ZRANB3: variants seen among roughly 807,000 people sequenced by gnomAD.
ZRANB3 encodes zinc finger RANBP2-type containing 3, also known as DNA annealing helicase and endonuclease ZRANB3.
In ZRANB3, 125 loss-of-function variants were observed where a neutral mutation model predicts 133.8. The ratio of observed to expected loss-of-function variants is 0.93; its 90% CI spans 0.81 to 1.08. ZRANB3 has a LOEUF of 1.08. ZRANB3 is among the 50% of genes least tolerant of loss of function. The pLI, the probability that ZRANB3 is intolerant of heterozygous loss-of-function variation, is 0.00. For missense variants in ZRANB3, 1,229 were observed against 1,275.5 expected (o/e 0.96, Z 0.56); for synonymous variants, 387 against 432.7 (o/e 0.89, Z 1.31).
chr2:135,367,945 A>G (rs1176346737), intron 3 of ZRANB3, among the ~76,000 whole-genome samples: 3 of 152,274 alleles, frequency 2.0e-5, no homozygotes, highest in East Asian at 1.9e-4. Flanking sequence ...TTATTATTGA[A>G]TAACTTCTCT....
chr2:135,315,285 A>G lies in ZRANB3; in HGVS notation c.849+74T>C, dbSNP rs892935929. On this transcript the variant is annotated intron_variant, in intron 7 of 20. Coordinates refer to ENST00000264159, the MANE Select transcript of ZRANB3 (RefSeq NM_032143.4). ...CAAACCTTTCCTTCTGTGAAATATG[A>G]AATACGTATAATCTTTAATAGTGTA... 1.0e-5 allele frequency: 13 copies of G among 1,258,694 alleles called. No individual in the cohort carries two copies. In the African/African-American group the frequency reaches 1.7e-4, roughly 17 times the overall value. The allele number at this position is 1,258,694 out of a possible 1,614,324, so 78.0% of individuals were successfully genotyped here.
At chr2:135,244,464 C>T (rs540560795) in intron 12 of ZRANB3, among the ~76,000 whole-genome samples, 2 of 151,960 alleles carry the variant, frequency 1.3e-5, no homozygotes, top group South Asian at 2.1e-4. Flanking sequence ...AAAAATTAGT[C>T]GTGCGTGGTG....
At chr2:135,349,399 C>T (rs1685089598) in intron 5 of ZRANB3, among the ~76,000 whole-genome samples, 2 of 152,230 alleles carry the variant, frequency 1.3e-5, no homozygotes, top group Admixed American at 6.5e-5. Context: ...TTTCTTCCAT[C>T]ATGTCTTCTT....
At chr2:135,332,330 T>C (rs1684186850) in intron 6 of ZRANB3, among the ~76,000 whole-genome samples, 1 of 152,152 alleles carries the variant, frequency 6.6e-6, no homozygotes, top group Admixed American at 6.6e-5. Context: ...TTTTAGAACA[T>C]GACAGATCTT....
At chr2:135,359,593 G>A (rs1282542960) in intron 3 of ZRANB3, among the ~76,000 whole-genome samples, 2 of 146,934 alleles carry the variant, frequency 1.4e-5, no homozygotes, top group African/African-American at 2.5e-5. Flanking sequence ...AAAAAAAAAG[G>A]AAACAAAGAA....
chr2:135,289,882 G>C (rs1681598144), intron 8 of ZRANB3, among the ~76,000 whole-genome samples: 1 of 152,160 alleles, frequency 6.6e-6, no homozygotes, highest in African/African-American at 2.4e-5. Context: ...CAGTGTGGGT[G>C]ACAAAGTGAG....
chr2:135,346,422 A>T lies in ZRANB3; in HGVS notation c.592-787T>A, dbSNP rs1210766860. Among the ~76,000 whole-genome samples, 4 of 152,176 alleles carry T rather than the reference A, an allele frequency of 2.6e-5. No homozygotes were observed. In the East Asian group the frequency reaches 7.7e-4, roughly 29 times the overall value. On this transcript the variant is annotated intron_variant, in intron 5 of 20. Transcript: ENST00000264159. ...GCCTATTTCTAGCTTTTATGAAGTT[A>T]CTAATATTAACAACTTCATATAACT...
At chr2:135,480,566 T>C (rs563015293) in intron 2 of ZRANB3, among the ~76,000 whole-genome samples, 11 of 152,272 alleles carry the variant, frequency 7.2e-5, no homozygotes, top group South Asian at 6.2e-4. Context: ...TCTTCTCTTA[T>C]CCTTTTTGCA....
At chr2:135,404,950 AT>A (rs1362795134) in intron 2 of ZRANB3, among the ~76,000 whole-genome samples, 1 of 152,222 alleles carries the variant, frequency 6.6e-6, no homozygotes, top group Non-Finnish European at 1.5e-5. Context: ...TAATGACAGG[AT>A]CAAATTCACA....
intron 2 of ZRANB3, among the ~76,000 whole-genome samples, chr2:135,415,574 A>G (rs1432384647): frequency 6.6e-6 from 1 of 152,178 alleles, no homozygotes; most frequent in Non-Finnish European, 1.5e-5. Flanking sequence ...TCCAATCAAT[A>G]AAAAAAGAGG....
chr2:135,353,280 G>T, intron 4 of ZRANB3, 170 bp downstream of exon 4: 1 of 400,386 alleles, frequency 2.5e-6, no homozygotes, highest in African/African-American at 2.1e-5. Flanking sequence ...ATATACTATT[G>T]GGTTTTAGAT....
chr2:135,405,678 G>A (rs578045062), intron 2 of ZRANB3, among the ~76,000 whole-genome samples: 5 of 152,092 alleles, frequency 3.3e-5, no homozygotes, highest in East Asian at 1.9e-4. Flanking sequence ...ACTCAAATCC[G>A]CTCAACTACA....
chr2:135,389,337 T>A (rs906826551), intron 3 of ZRANB3, among the ~76,000 whole-genome samples: 1 of 152,206 alleles, frequency 6.6e-6, no homozygotes, highest in African/African-American at 2.4e-5. Context: ...TATGAACCCC[T>A]ATATCAACAT....
intron 1 of ZRANB3, among the ~76,000 whole-genome samples, chr2:135,527,286 A>G (rs1295892764): frequency 6.6e-6 from 1 of 152,166 alleles, no homozygotes; most frequent in Non-Finnish European, 1.5e-5. Flanking sequence ...ATGACCAGGC[A>G]CGGTGGCTCA....
intron 6 of ZRANB3, among the ~76,000 whole-genome samples, chr2:135,335,303 A>T (rs1684320292): frequency 6.6e-6 from 1 of 152,044 alleles, no homozygotes; most frequent in African/African-American, 2.4e-5. Context: ...ATTCTGGGTG[A>T]CACAGAATAG....
At chr2:135,327,365 T>C (rs983096480) in intron 6 of ZRANB3, among the ~76,000 whole-genome samples, 1 of 152,116 alleles carries the variant, frequency 6.6e-6, no homozygotes, top group Non-Finnish European at 1.5e-5. Flanking sequence ...TTATAAGACA[T>C]GTTGGAAGTT....
chr2:135,206,251 T>G (rs944221302), intron 19 of ZRANB3, among the ~76,000 whole-genome samples: 5 of 152,064 alleles, frequency 3.3e-5, no homozygotes, highest in Non-Finnish European at 7.4e-5. Context: ...ACTTTTTTTT[T>G]TTTTTGGAGA....
In ZRANB3 at chr2:135,353,608, G is replaced by C. The variant is rs181120539; in HGVS notation, c.201C>G (p.Ile67Met). The C allele has an allele frequency of 3.5e-5, 55 of 1,579,466 alleles. No individual in the cohort carries two copies. In the Middle Eastern group the frequency reaches 8.4e-4, roughly 24 times the overall value. Residue 67 changes from isoleucine (I) to methionine (M), a missense_variant, in exon 4 of 21, where the codon ATC becomes ATG. By Grantham distance (10) the Ile-to-Met change is conservative (BLOSUM62 1). Coordinates refer to ENST00000264159, the MANE Select transcript of ZRANB3 (RefSeq NM_032143.4). ...VADEMGLGKT[I>M]QAIGITYFYK... is the part of the protein sequence containing the mutation. ...AGAAGTAAGTAATTCCAATTGCCTG[G>C]ATTGTCTTTCCTAGACCCATCTAAA...
intron 1 of ZRANB3, among the ~76,000 whole-genome samples, chr2:135,518,749 T>G (rs528750141): frequency 6.6e-6 from 1 of 152,324 alleles, no homozygotes; most frequent in Non-Finnish European, 1.5e-5. Flanking sequence ...GTTATGGAGC[T>G]GGGTCACAAA....
Sources: allele counts gnomAD v4.1 joint callset (sites outside exome capture counted in the v4.1 genomes callset), GRCh38; gene constraint gnomAD v4.1.1; transcripts MANE v1.5; gene names NCBI Gene and HGNC (gene_info 2026-07-23, HGNC 2026-07-21).